Variants in IL1RAPL1 observed in about 807,000 individuals in gnomAD.
IL1RAPL1 encodes interleukin 1 receptor accessory protein like 1.
IL1RAPL1 carries 3 observed loss-of-function variants against 48.4 expected under a neutral mutation model. The ratio of observed to expected loss-of-function variants is 0.06; its 90% confidence interval spans 0.03 to 0.16. The LOEUF is 0.16. Among genes scored for constraint, IL1RAPL1 ranks in the 10% least tolerant of loss-of-function variants. The pLI, the probability that IL1RAPL1 is intolerant of heterozygous loss-of-function variation, is 1.00. For missense variants in IL1RAPL1, 349 were observed against 530.6 expected (o/e 0.66, Z 3.36); for synonymous variants, 185 against 187.7 (o/e 0.99, Z 0.12).
intron 2 of IL1RAPL1, among the ~76,000 whole-genome samples, chrX:29,257,215 T>C (rs1446742017): frequency 9.0e-6 from 1 of 111,720 alleles, no homozygotes; most frequent in Non-Finnish European, 1.9e-5. Context: ...TCTGAAACTT[T>C]TTGCAATCTA....
intron 3 of IL1RAPL1, among the ~76,000 whole-genome samples, chrX:29,302,448 T>G (rs1481925107): frequency 8.9e-6 from 1 of 111,916 alleles, no homozygotes; most frequent in African/African-American, 3.2e-5. Context: ...AAGTAAAACT[T>G]ACCTGGATGA....
chrX:28,927,377 A>G (rs1438813537), intron 2 of IL1RAPL1, among the ~76,000 whole-genome samples: 4 of 111,944 alleles, frequency 3.6e-5, no homozygotes, highest in South Asian at 7.3e-4. Flanking sequence ...TGTGCCTATA[A>G]ATATGTTCTG....
chrX:29,618,470 C>T (rs1924360060), intron 5 of IL1RAPL1, among the ~76,000 whole-genome samples: 1 of 111,892 alleles, frequency 8.9e-6, no homozygotes, highest in African/African-American at 3.2e-5. Flanking sequence ...ATCACTTTTA[C>T]TGGTCTAAAA....
At chrX:28,676,736 A>C (rs1052474496) in intron 1 of IL1RAPL1, among the ~76,000 whole-genome samples, 1 of 109,505 alleles carries the variant, frequency 9.1e-6, no homozygotes, top group Non-Finnish European at 1.9e-5. Flanking sequence ...CTGACTGAAA[A>C]AAAAAAAAAC....
At chrX:28,998,292 A>G (rs1925769046) in intron 2 of IL1RAPL1, among the ~76,000 whole-genome samples, 1 of 111,638 alleles carries the variant, frequency 9.0e-6, no homozygotes, top group Non-Finnish European at 1.9e-5. Flanking sequence ...CACTCTTCCA[A>G]AAGAGAAAGT....
At chrX:29,751,556 A>G (rs187276308) in intron 6 of IL1RAPL1, among the ~76,000 whole-genome samples, 34 of 111,611 alleles carry the variant, frequency 3.0e-4, no homozygotes, top group Admixed American at 3.9e-4. Context: ...TTATAATAAC[A>G]TAAATATAAT....
At chrX:29,330,752 T>C (rs1407067891) in intron 3 of IL1RAPL1, among the ~76,000 whole-genome samples, 1 of 111,699 alleles carries the variant, frequency 9.0e-6, no homozygotes, top group Non-Finnish European at 1.9e-5. Context: ...AGGTGGCTAC[T>C]GGTCAGAACC....
intron 5 of IL1RAPL1, among the ~76,000 whole-genome samples, chrX:29,514,245 T>G (rs1471723436): frequency 8.9e-6 from 1 of 111,736 alleles, no homozygotes. Context: ...TATAAAATAT[T>G]TGTCCTAACT....
chrX:28,594,523 T>C (rs990155279), intron 1 of IL1RAPL1, among the ~76,000 whole-genome samples: 6 of 111,835 alleles, frequency 5.4e-5, no homozygotes, highest in African/African-American at 1.9e-4. Flanking sequence ...CATTATGTGA[T>C]TTTAAACAAG....
chrX:28,908,673 A>G (rs902145107), intron 2 of IL1RAPL1, among the ~76,000 whole-genome samples: 1 of 111,441 alleles, frequency 9.0e-6, no homozygotes, highest in Non-Finnish European at 1.9e-5. Context: ...CTGTTGTTGG[A>G]TAAGGTACTC....
intron 6 of IL1RAPL1, among the ~76,000 whole-genome samples, chrX:29,720,174 C>A (rs1473433074): frequency 9.0e-6 from 1 of 111,510 alleles, no homozygotes; most frequent in African/African-American, 3.3e-5. Context: ...ATTAGTTCAA[C>A]CATTGTGGAA....
intron 6 of IL1RAPL1, among the ~76,000 whole-genome samples, chrX:29,690,599 A>T (rs775847815): frequency 3.8e-4 from 42 of 109,880 alleles, no homozygotes; most frequent in African/African-American, 9.5e-4. Flanking sequence ...AATGGAATTT[A>T]AAAAAAAATT....
intron 2 of IL1RAPL1, among the ~76,000 whole-genome samples, chrX:28,991,050 G>A (rs1387175004): frequency 9.0e-6 from 1 of 111,607 alleles, no homozygotes; most frequent in African/African-American, 3.3e-5. Flanking sequence ...GAAATGTATA[G>A]TTTGTTTGCT....
intron 2 of IL1RAPL1, among the ~76,000 whole-genome samples, chrX:29,030,776 A>G (rs1926600155): frequency 9.0e-6 from 1 of 111,439 alleles, no homozygotes. Context: ...AAAAAGTGCT[A>G]CCAGGTGTTC....
intron 6 of IL1RAPL1, among the ~76,000 whole-genome samples, chrX:29,722,031 T>G (rs1927649083): frequency 3.6e-5 from 4 of 111,901 alleles, no homozygotes. Flanking sequence ...TGTTACCATC[T>G]TTTTGCCCAC....
intron 6 of IL1RAPL1, among the ~76,000 whole-genome samples, chrX:29,808,280 A>G (rs1174721455): frequency 8.9e-6 from 1 of 112,156 alleles, no homozygotes; most frequent in Non-Finnish European, 1.9e-5. Context: ...CCTTAAAAAT[A>G]TGCTTAATGG....
Position 29,954,235 on chromosome X carries a change from CAA to C in IL1RAPL1, c.1202-260_1202-259del, listed in dbSNP as rs34345826. On this transcript the variant is annotated intron_variant, in intron 9 of 10. Transcript: ENST00000378993. ...TGGACAACTGAGCAAGACTGTGTCC[CAA>C]AAAAAAAAAAAAAAAAAAAAAAAAA... 6.6e-3 allele frequency among the ~76,000 whole-genome samples: 202 copies of C among 30,388 alleles called. 2 individuals are homozygous for C. The highest frequency in any genetic ancestry group is 0.028 in the African/African-American group (186 of 6,591). The allele number at this position is 30,388 out of a possible 115,157, so 26.4% of individuals were successfully genotyped here.
intron 5 of IL1RAPL1, among the ~76,000 whole-genome samples, chrX:29,490,474 A>G (rs1008213385): frequency 6.3e-5 from 7 of 111,423 alleles, no homozygotes; most frequent in African/African-American, 2.3e-4. Flanking sequence ...CAGAGGTTAC[A>G]GTGAGCCGAG....
At chrX:29,564,673 G>A (rs941604419) in intron 5 of IL1RAPL1, among the ~76,000 whole-genome samples, 1 of 113,043 alleles carries the variant, frequency 8.8e-6, no homozygotes, top group Non-Finnish European at 1.9e-5. Flanking sequence ...AAAGGTTACA[G>A]GCAATCATTT....
Sources: allele counts gnomAD v4.1 joint callset (sites outside exome capture counted in the v4.1 genomes callset), GRCh38; gene constraint gnomAD v4.1.1; transcripts MANE v1.5; gene names NCBI Gene and HGNC (gene_info 2026-07-23, HGNC 2026-07-21).